STX8: variants seen among roughly 807,000 people sequenced by gnomAD.
The protein encoded by STX8 is syntaxin 8, also known as syntaxin-8.
STX8 carries 23 observed loss-of-function variants against 37.5 expected under a neutral mutation model. That is an observed-to-expected ratio of 0.61 (90% CI 0.44 to 0.87). The LOEUF is 0.87. STX8 is among the 40% of genes least tolerant of loss of function. The pLI, the probability that STX8 is intolerant of heterozygous loss-of-function variation, is 0.00. For missense variants in STX8, 313 were observed against 284.7 expected, an observed-to-expected ratio of 1.10 and a Z score of -0.71; for synonymous variants, 115 against 99.1, an observed-to-expected ratio of 1.16 and a Z score of -0.95.
intron 7 of STX8, 111 bp downstream of exon 7, chr17:9,378,441 G>C: frequency 1.1e-6 from 1 of 903,896 alleles, no homozygotes; most frequent in Non-Finnish European, 1.8e-6. Flanking sequence ...GGAACTGCCT[G>C]TATCAGAAGA....
intron 7 of STX8, among the ~76,000 whole-genome samples, chr17:9,281,957 T>C (rs899618990): frequency 2.0e-5 from 3 of 152,164 alleles, no homozygotes; most frequent in African/African-American, 7.2e-5. Flanking sequence ...GGGTCTAGCA[T>C]CGACAGCTGC....
At chr17:9,254,854 T>C (rs933520990) in intron 7 of STX8, among the ~76,000 whole-genome samples, 1 of 147,788 alleles carries the variant, frequency 6.8e-6, no homozygotes, top group African/African-American at 2.5e-5. Flanking sequence ...CGTGTGTGCA[T>C]GTGTGTGTGT....
intron 6 of STX8, among the ~76,000 whole-genome samples, chr17:9,391,617 A>G (rs1215498356): frequency 6.6e-6 from 1 of 151,834 alleles, no homozygotes; most frequent in Non-Finnish European, 1.5e-5. Flanking sequence ...CCTGAAGAAT[A>G]TACTGTTAAC....
intron 6 of STX8, among the ~76,000 whole-genome samples, chr17:9,422,904 G>C (rs1913494517): frequency 6.6e-6 from 1 of 152,206 alleles, no homozygotes; most frequent in Non-Finnish European, 1.5e-5. Context: ...GGACATAAAT[G>C]TCTGTCATTA....
intron 5 of STX8, among the ~76,000 whole-genome samples, chr17:9,499,295 A>G (rs1904525312): frequency 6.6e-6 from 1 of 152,200 alleles, no homozygotes; most frequent in South Asian, 2.1e-4. Context: ...CATTGTCAAG[A>G]TTCTTGAGGC....
intron 3 of STX8, among the ~76,000 whole-genome samples, chr17:9,550,271 G>A (rs1906713133): frequency 6.6e-6 from 1 of 150,906 alleles, no homozygotes; most frequent in African/African-American, 2.4e-5. Flanking sequence ...CCAGTGCTGG[G>A]GAACCTCCTC....
At chr17:9,543,440 C>G (rs1567604139) in intron 4 of STX8, among the ~76,000 whole-genome samples, 1 of 151,992 alleles carries the variant, frequency 6.6e-6, no homozygotes, top group African/African-American at 2.4e-5. Flanking sequence ...ACTACAGGTG[C>G]CCGCCACCAC....
At chr17:9,479,715 TAGCAAATTA>T (rs1906236733) in intron 6 of STX8, among the ~76,000 whole-genome samples, 1 of 151,778 alleles carries the variant, frequency 6.6e-6, no homozygotes, top group African/African-American at 2.4e-5. Context: ...AATCCATAAG[TAGCAAATTA>T]AGTAATTTTA....
intron 7 of STX8, among the ~76,000 whole-genome samples, chr17:9,321,636 C>G (rs1909581688): frequency 6.6e-6 from 1 of 152,024 alleles, no homozygotes. Flanking sequence ...TCTCCTGCCT[C>G]AGCCTCCTGA....
intron 6 of STX8, among the ~76,000 whole-genome samples, chr17:9,381,987 A>G (rs1335118312): frequency 6.6e-6 from 1 of 151,904 alleles, no homozygotes; most frequent in Non-Finnish European, 1.5e-5. Flanking sequence ...AAACAAACAA[A>G]CAAACAAACA....
At chr17:9,529,246 T>TGAGAGA (rs1567598900) in intron 4 of STX8, among the ~76,000 whole-genome samples, 4 of 12,820 alleles carry the variant, frequency 3.1e-4, no homozygotes, top group African/African-American at 7.8e-4. Flanking sequence ...GACATAGCTC[T>TGAGAGA]TAGAGAGAGA....
At chr17:9,400,438 G>A (rs960085906) in intron 6 of STX8, among the ~76,000 whole-genome samples, 3 of 143,258 alleles carry the variant, frequency 2.1e-5, no homozygotes, top group Admixed American at 7.1e-5. Flanking sequence ...GGAGTCTCGC[G>A]CTGTCACGCA....
chr17:9,295,716 G>A (rs937059876), intron 7 of STX8, among the ~76,000 whole-genome samples: 16 of 151,736 alleles, frequency 1.1e-4, no homozygotes, highest in African/African-American at 1.4e-4. Flanking sequence ...GCACTCCAGC[G>A]TGACGACAGA....
At chr17:9,359,525 T>G (rs962888960) in intron 7 of STX8, among the ~76,000 whole-genome samples, 30 of 139,136 alleles carry the variant, frequency 2.2e-4, no homozygotes, top group Admixed American at 5.0e-4. Flanking sequence ...TTTTTTTTTT[T>G]GGGACAGAGT....
intron 5 of STX8, among the ~76,000 whole-genome samples, chr17:9,499,750 T>C (rs1324196978): frequency 6.6e-6 from 1 of 152,140 alleles, no homozygotes; most frequent in Non-Finnish European, 1.5e-5. Flanking sequence ...GAAACTGACC[T>C]GCAACCTGCG....
intron 6 of STX8, among the ~76,000 whole-genome samples, chr17:9,389,368 C>T (rs1382853848): frequency 6.6e-6 from 1 of 152,208 alleles, no homozygotes; most frequent in Non-Finnish European, 1.5e-5. Context: ...TGTAGAGCCT[C>T]CAAAGAGAAA....
At chr17:9,465,032 T>C (rs1056639442) in intron 6 of STX8, among the ~76,000 whole-genome samples, 12 of 152,118 alleles carry the variant, frequency 7.9e-5, no homozygotes, top group Non-Finnish European at 1.6e-4. Context: ...CATCCTCTTA[T>C]ACACACACTT....
intron 4 of STX8, among the ~76,000 whole-genome samples, chr17:9,513,432 G>T (rs1026326706): frequency 4.0e-5 from 6 of 151,828 alleles, no homozygotes; most frequent in African/African-American, 1.5e-4. Flanking sequence ...AAATTGCTCA[G>T]CATTACTAAT....
At position 9,402,384 on chromosome 17, in the gene STX8, G is replaced by A. The variant is rs563899986; in HGVS notation, c.542-23731C>T. Among the ~76,000 whole-genome samples the A allele has an allele frequency of 4.6e-5, 7 of 152,260 alleles. No individual in the cohort carries two copies. In the East Asian group the frequency reaches 1.4e-3, roughly 29 times the overall value. ...GATCTGCCCGCCTCGGCCTCCCAAA[G>A]TGCTGGGATTACAGGCGTGAGTCAC... On this transcript the variant is annotated intron_variant, in intron 6 of 7. Transcript: ENST00000306357.
Sources: gnomAD v4.1 joint callset for allele counts (sites outside exome capture counted in the v4.1 genomes callset) on GRCh38, gnomAD v4.1.1 for gene constraint, MANE v1.5 for transcripts, NCBI Gene and HGNC (gene_info 2026-07-23, HGNC 2026-07-21) for gene names.